Variants in CTNNA3 observed in about 807,000 individuals in gnomAD.
CTNNA3 encodes catenin alpha 3.
CTNNA3 carries 76 observed loss-of-function variants against 95.7 expected under a neutral mutation model. That is an observed-to-expected ratio of 0.79 (90% CI 0.66 to 0.96). The LOEUF (loss-of-function observed/expected upper bound fraction) is 0.96, where lower values mean the gene tolerates loss of function less well. CTNNA3 is among the 40% of genes least tolerant of loss of function. The pLI is 0.00. For synonymous variants in CTNNA3, 431 were observed against 374.4 expected (o/e 1.15, Z -1.74); for missense variants, 1,191 against 1,089.8 (o/e 1.09, Z -1.31).
chr10:66,113,336 T>C (rs767499052), intron 13 of CTNNA3, among the ~76,000 whole-genome samples: 8 of 152,188 alleles, frequency 5.3e-5, no homozygotes, highest in Non-Finnish European at 1.0e-4. Context: ...CTTTTTTCTT[T>C]AATTGTTTGA....
chr10:66,436,263 T>C (rs932216953), intron 11 of CTNNA3, among the ~76,000 whole-genome samples: 1 of 152,130 alleles, frequency 6.6e-6, no homozygotes, highest in East Asian at 1.9e-4. Context: ...CTGTCTAATA[T>C]GACAGTGGGG....
chr10:67,153,164 C>CG (rs1289405013), intron 7 of CTNNA3, among the ~76,000 whole-genome samples: 1 of 152,068 alleles, frequency 6.6e-6, no homozygotes, highest in Non-Finnish European at 1.5e-5. Flanking sequence ...TTAGTAGAGA[C>CG]GGGGTTTCAC....
intron 17 of CTNNA3, among the ~76,000 whole-genome samples, chr10:65,964,909 C>G (rs1488974993): frequency 1.3e-5 from 2 of 152,016 alleles, no homozygotes; most frequent in East Asian, 3.9e-4. Context: ...CTGTGTGTAT[C>G]TATATAAATG....
chr10:66,156,313 C>A (rs1181471241), intron 13 of CTNNA3, among the ~76,000 whole-genome samples: 1 of 151,976 alleles, frequency 6.6e-6, no homozygotes, highest in South Asian at 2.1e-4. Flanking sequence ...TATCTTGACT[C>A]TATCAATGTA....
At chr10:66,552,917 A>T (rs1020428441) in intron 10 of CTNNA3, among the ~76,000 whole-genome samples, 4 of 151,982 alleles carry the variant, frequency 2.6e-5, no homozygotes, top group African/African-American at 9.7e-5. Context: ...CTGTTCAAAA[A>T]TCTATTTTCT....
chr10:66,321,808 C>T (rs2092190629), intron 12 of CTNNA3, among the ~76,000 whole-genome samples: 1 of 152,156 alleles, frequency 6.6e-6, no homozygotes, highest in Non-Finnish European at 1.5e-5. Flanking sequence ...AAATAATACT[C>T]TTTATGCTGA....
chr10:67,365,717 C>G (rs1843186157), intron 5 of CTNNA3, among the ~76,000 whole-genome samples: 1 of 152,150 alleles, frequency 6.6e-6, no homozygotes, highest in Admixed American at 6.6e-5. Flanking sequence ...ATTAAAAAGT[C>G]AGGAAACAAC....
intron 7 of CTNNA3, among the ~76,000 whole-genome samples, chr10:67,080,170 A>G (rs1183008362): frequency 6.6e-6 from 1 of 152,188 alleles, no homozygotes; most frequent in East Asian, 1.9e-4. Flanking sequence ...CTCAAGAAAG[A>G]AAATTATTCC....
chr10:66,747,647 T>C (rs998741907), intron 9 of CTNNA3, among the ~76,000 whole-genome samples: 4 of 152,110 alleles, frequency 2.6e-5, no homozygotes, highest in African/African-American at 9.7e-5. Context: ...AGAAATTACA[T>C]GTGGGTTGGT....
At chr10:66,083,450 C>T (rs1234835359) in intron 14 of CTNNA3, among the ~76,000 whole-genome samples, 3 of 152,140 alleles carry the variant, frequency 2.0e-5, no homozygotes, top group East Asian at 3.9e-4. Flanking sequence ...CTTGGTTTCA[C>T]GTGAGGGTCA....
At chr10:66,836,293 C>A (rs1842885751) in intron 7 of CTNNA3, among the ~76,000 whole-genome samples, 1 of 152,108 alleles carries the variant, frequency 6.6e-6, no homozygotes, top group Non-Finnish European at 1.5e-5. Flanking sequence ...TGTTTAAATT[C>A]CACAGTCCCC....
chr10:66,559,179 ATTC>A (rs541932628), intron 10 of CTNNA3, among the ~76,000 whole-genome samples: 47 of 152,092 alleles, frequency 3.1e-4, no homozygotes, highest in African/African-American at 8.9e-4. Context: ...CCTTCTAGCT[ATTC>A]TTCTTCTCCT....
chr10:66,687,427 T>A (rs1847338247), intron 9 of CTNNA3, among the ~76,000 whole-genome samples: 1 of 152,158 alleles, frequency 6.6e-6, no homozygotes, highest in Non-Finnish European at 1.5e-5. Flanking sequence ...AAGAAATACC[T>A]GTAAATAATA....
chr10:66,466,186 C>A lies in CTNNA3; in HGVS notation c.1531+54431G>T, dbSNP rs552637904. Among the ~76,000 whole-genome samples the A allele has an allele frequency of 2.0e-5, 3 of 152,110 alleles. No individual in the cohort carries two copies. The South Asian group carries it at 6.2e-4, about 32-fold the overall frequency. The stretch of plus-strand genomic sequence containing the variant: ...AAAGCCTGCCTTCACACTGGAGCTG[C>A]AACATCAACTCTTCCCTGGGTCTTA... On this transcript the variant is annotated intron_variant, in intron 11 of 17. Transcript: ENST00000433211.
intron 7 of CTNNA3, among the ~76,000 whole-genome samples, chr10:66,852,722 G>A (rs989241817): frequency 4.6e-5 from 7 of 151,976 alleles, no homozygotes; most frequent in Non-Finnish European, 2.9e-5. Context: ...ACCAATACTT[G>A]TAGTAGTACT....
chr10:66,032,988 A>G (rs556129242), intron 15 of CTNNA3, among the ~76,000 whole-genome samples: 43 of 152,242 alleles, frequency 2.8e-4, no homozygotes, highest in African/African-American at 1.0e-3. Context: ...TACTTTCCAC[A>G]ACACTTCAGC....
intron 6 of CTNNA3, among the ~76,000 whole-genome samples, chr10:67,207,457 C>T (rs1863953612): frequency 6.6e-6 from 1 of 152,084 alleles, no homozygotes; most frequent in Non-Finnish European, 1.5e-5. Flanking sequence ...TTTTTCTCAT[C>T]CAAGTCCACA....
rs144326873 is a variant in CTNNA3 at position 67,022,798 on chromosome 10, C to T, written c.1047+157519G>A. 7.7e-3 allele frequency among the ~76,000 whole-genome samples: 1,163 copies of T among 152,026 alleles called. 41 individuals carry two copies. The East Asian group carries it at 0.11, about 14-fold the overall frequency. ...TAAAAATACAAAAAAATTAGCCGGG[C>T]GTGGTGGTGCACGCCTATAATCCCA... On this transcript the variant is annotated intron_variant, in intron 7 of 17. Coordinates refer to ENST00000433211, the MANE Select transcript of CTNNA3 (RefSeq NM_013266.4).
intron 7 of CTNNA3, among the ~76,000 whole-genome samples, chr10:67,164,119 T>C (rs1052609578): frequency 3.3e-5 from 5 of 151,914 alleles, no homozygotes; most frequent in African/African-American, 4.8e-5. Flanking sequence ...AAAATTATTG[T>C]AAAATATACA....
Sources: allele counts gnomAD v4.1 joint callset (sites outside exome capture counted in the v4.1 genomes callset), GRCh38; gene constraint gnomAD v4.1.1; transcripts MANE v1.5; gene names NCBI Gene and HGNC (gene_info 2026-07-23, HGNC 2026-07-21).